The following PIEZO2 variants were observed in gnomAD, a reference collection of about 807,000 sequenced individuals.
PIEZO2 encodes piezo-type mechanosensitive ion channel component 2.
Under a neutral mutation model 337.3 loss-of-function variants are expected in PIEZO2, and 172 were observed. The observed-to-expected ratio is 0.51, with a 90% CI of 0.45 to 0.58. PIEZO2 has a LOEUF of 0.58. PIEZO2 is among the 20% of genes least tolerant of loss of function. PIEZO2 has a pLI of 0.00. For synonymous variants in PIEZO2, 1,251 were observed against 1,228.5 expected (o/e 1.02, Z -0.38); for missense variants, 3,028 against 3,391.3 (o/e 0.89, Z 2.66).
Position 11,047,052 on chromosome 18 carries a change from A to G in PIEZO2, c.160+19075T>C, listed in dbSNP as rs138064797. Among the ~76,000 whole-genome samples the G allele has an allele frequency of 1.3e-3, 193 of 152,358 alleles. No homozygotes were observed. The highest frequency in any genetic ancestry group is 4.5e-3 in the African/African-American group (186 of 41,588). The stretch of plus-strand genomic sequence containing the variant: ...AACTACAGTATTAGGTTTTGGTAGC[A>G]AAACAAGGACCAGATTTCCGTCTTC... On this transcript the variant is annotated intron_variant, in intron 2 of 55. Transcript: ENST00000674853. This position sits in a 1 kb window ranked among gnomAD's most constrained non-coding sequence, Gnocchi z 7.2.
At chr18:10,950,913 C>T (rs1474979417) in intron 3 of PIEZO2, among the ~76,000 whole-genome samples, 2 of 152,146 alleles carry the variant, frequency 1.3e-5, no homozygotes, top group African/African-American at 4.8e-5. Flanking sequence ...CTGCAATTGC[C>T]TTAGTTTGGA....
At chr18:11,045,490 A>T (rs950100211) in intron 2 of PIEZO2, among the ~76,000 whole-genome samples, 4 of 152,122 alleles carry the variant, frequency 2.6e-5, no homozygotes, top group African/African-American at 9.7e-5. Flanking sequence ...AGCACCATGC[A>T]TGGGTGCCAT....
rs1568007572 is a variant in PIEZO2, at chr18:10,742,513, G to C, written c.4617C>G (p.Leu1539=). Residue 1539 remains leucine (L), a synonymous_variant, in exon 32 of 56, where the codon CTC becomes CTG. Coordinates refer to ENST00000674853, the MANE Select transcript of PIEZO2 (RefSeq NM_001378183.1). ...EPGEGQDMQK[L]SEEDDEREAD... ...ACATACTTTCATCATCCTCTTCAGA[G>C]AGTTTTTGCATGTCCTGGCCTTCCC... is the stretch of plus-strand genomic sequence containing the variant. The C allele has an allele frequency of 1.3e-6, 2 of 1,537,164 alleles. No individual in the cohort carries two copies. The highest frequency in any genetic ancestry group is 2.4e-5 in the East Asian group (1 of 40,906).
At chr18:10,994,846 C>A (rs192077360) in intron 2 of PIEZO2, among the ~76,000 whole-genome samples, 1 of 151,942 alleles carries the variant, frequency 6.6e-6, no homozygotes, top group East Asian at 2.0e-4. Context: ...CTTTGGGAGG[C>A]CAAAGCGGGC....
rs1275240888 is a variant in PIEZO2 at position 11,149,078 on chromosome 18, T to C, written c.-490A>G. Among the ~76,000 whole-genome samples the C allele has an allele frequency of 9.2e-5, 14 of 152,158 alleles. No individual in the cohort carries two copies. In the East Asian group the frequency reaches 2.7e-3, roughly 30 times the overall value. ...GCCCCTCTGAAGCCACCGCGTCTCC[T>C]TTGCCCGGCCTCGTCTCCGCTGCCC... On this transcript the variant is annotated 5_prime_UTR_variant, in exon 1 of 56. Coordinates refer to ENST00000674853, the MANE Select transcript of PIEZO2 (RefSeq NM_001378183.1). The surrounding 1 kb of genome is among the most constrained non-coding windows in gnomAD (Gnocchi z 8.7).
intron 2 of PIEZO2, among the ~76,000 whole-genome samples, chr18:11,007,453 C>A (rs536599011): frequency 6.6e-6 from 1 of 152,204 alleles, no homozygotes; most frequent in South Asian, 2.1e-4. Context: ...TTACATTACC[C>A]AGAAAGTTCC....
chr18:10,885,831 T>C (rs1304179036), intron 4 of PIEZO2, among the ~76,000 whole-genome samples: 3 of 152,196 alleles, frequency 2.0e-5, no homozygotes, highest in African/African-American at 7.2e-5. Flanking sequence ...TGCTCATAAA[T>C]GGCCTGCTAG....
intron 27 of PIEZO2, among the ~76,000 whole-genome samples, chr18:10,755,537 G>A (rs2037803353): frequency 6.6e-6 from 1 of 152,224 alleles, no homozygotes; most frequent in Non-Finnish European, 1.5e-5. Flanking sequence ...CCTCCATGAA[G>A]TGGGCCTTGG....
rs2033835182 is a variant in PIEZO2, at chr18:10,962,739, A to G, written c.286+16796T>C. Among the ~76,000 whole-genome samples the G allele has an allele frequency of 6.6e-6, 1 of 152,144 alleles. No homozygotes were observed. Among genetic ancestry groups the G allele is most frequent in the Admixed American group, 6.5e-5 (1 of 15,274 alleles). On this transcript the variant is annotated intron_variant, in intron 3 of 55. Coordinates refer to ENST00000674853, the MANE Select transcript of PIEZO2 (RefSeq NM_001378183.1). The surrounding 1 kb of genome is among the most constrained non-coding windows in gnomAD (Gnocchi z 4.1). ...TTTTTAATTTGTAATTTCATCCCCA[A>G]GATAAATCCATCATTTAGCCTCTTT...
At chr18:10,829,705 G>A (rs2040785450) in intron 7 of PIEZO2, among the ~76,000 whole-genome samples, 1 of 151,898 alleles carries the variant, frequency 6.6e-6, no homozygotes, top group Non-Finnish European at 1.5e-5. Flanking sequence ...ATTTATAACA[G>A]TTACAAACAA....
At chr18:10,703,953 A>G (rs999096622) in intron 42 of PIEZO2, among the ~76,000 whole-genome samples, 1 of 152,206 alleles carries the variant, frequency 6.6e-6, no homozygotes, top group Admixed American at 6.5e-5. Flanking sequence ...TGTATGATTT[A>G]ACACAGGGTC....
At chr18:10,783,000 T>C (rs947985676) in intron 17 of PIEZO2, among the ~76,000 whole-genome samples, 37 of 152,194 alleles carry the variant, frequency 2.4e-4, no homozygotes, top group African/African-American at 8.9e-4. Flanking sequence ...GTGAATTATA[T>C]CTCTGTTTGA....
chr18:10,696,647 G>C, intron 45 of PIEZO2, 108 bp from the exon 46 acceptor site: 1 of 1,295,426 alleles, frequency 7.7e-7, no homozygotes. Context: ...CCTCTTTCCA[G>C]TCAGGTCCCA....
intron 4 of PIEZO2, among the ~76,000 whole-genome samples, chr18:10,886,404 A>ATGTGTGTGTGTGTG (rs1183513824): frequency 3.8e-5 from 2 of 52,322 alleles, no homozygotes; most frequent in Non-Finnish European, 6.3e-5. Context: ...ATATATATAT[A>ATGTGTGTGTGTGTG]TATATATATA....
intron 2 of PIEZO2, among the ~76,000 whole-genome samples, chr18:11,044,944 T>C (rs1215046222): frequency 6.6e-6 from 1 of 151,522 alleles, no homozygotes; most frequent in Non-Finnish European, 1.5e-5. Flanking sequence ...AGCCCAGGAG[T>C]TCAACACCAG....
At chr18:10,905,490 G>A (rs1278002090) in intron 4 of PIEZO2, among the ~76,000 whole-genome samples, 1 of 151,702 alleles carries the variant, frequency 6.6e-6, no homozygotes, top group Non-Finnish European at 1.5e-5. Flanking sequence ...GGCTGAGGCA[G>A]GAGAACCGCT....
In PIEZO2 at chr18:10,784,690, G is replaced by T; in HGVS notation, c.2492+94C>A. On this transcript the variant is annotated intron_variant, in intron 17 of 55. Coordinates refer to ENST00000674853, the MANE Select transcript of PIEZO2 (RefSeq NM_001378183.1). This position sits in a 1 kb window ranked among gnomAD's most constrained non-coding sequence, Gnocchi z 4.5. ...GGAAAATTCAAGGCTGAAACTTTTA[G>T]ATTACTGGCTTCTCGCAAGGTGGCC... 1 of 1,215,258 alleles carries T rather than the reference G, an allele frequency of 8.2e-7. No homozygotes were observed. Among genetic ancestry groups the T allele is most frequent in the South Asian group, 1.9e-5 (1 of 53,654 alleles). The allele number at this position is 1,215,258 out of a possible 1,614,324, so 75.3% of individuals were successfully genotyped here.
chr18:11,114,247 AACCT>A (rs1246852949), intron 1 of PIEZO2, among the ~76,000 whole-genome samples: 1 of 152,240 alleles, frequency 6.6e-6, no homozygotes, highest in Non-Finnish European at 1.5e-5. Context: ...GACTCTCAGA[AACCT>A]CCTCTCAAAT....
intron 44 of PIEZO2, 128 bp from the exon 45 acceptor site, chr18:10,698,008 T>C: frequency 1.2e-5 from 2 of 164,612 alleles, no homozygotes; most frequent in Non-Finnish European, 1.8e-5. Flanking sequence ...AGGATGAGTA[T>C]GCACGGCCTT....
Sources: allele counts gnomAD v4.1 joint callset (sites outside exome capture counted in the v4.1 genomes callset), GRCh38; gene constraint gnomAD v4.1.1; non-coding constraint Gnocchi (gnomAD v3.1); transcripts MANE v1.5; gene names NCBI Gene and HGNC (gene_info 2026-07-23, HGNC 2026-07-21).